CMC1: variants seen among roughly 807,000 people sequenced by gnomAD.
CMC1 encodes COX assembly mitochondrial protein homolog.
A neutral mutation model predicts 14.1 loss-of-function variants in CMC1; 14 were observed. The observed-to-expected ratio is 0.99, with a 90% CI of 0.66 to 1.55. The LOEUF (loss-of-function observed/expected upper bound fraction) is 1.55, where lower values mean the gene tolerates loss of function less well. Among genes scored for constraint, CMC1 ranks in the 40% most tolerant of loss-of-function variants. The pLI, the probability that CMC1 is intolerant of heterozygous loss-of-function variation, is 0.00. For synonymous variants in CMC1, 50 were observed against 38.4 expected (o/e 1.30, Z -1.12); for missense variants, 127 against 123.8 (o/e 1.03, Z -0.12).
chr3:28,241,969 C>A, intron 1 of CMC1, 157 bp downstream of exon 1: 2 of 600,762 alleles, frequency 3.3e-6, no homozygotes, highest in East Asian at 3.5e-5. Context: ...TTCGCCCGGT[C>A]TGAGGTCATC....
chr3:28,313,069 C>T (rs1332584561), intron 2 of CMC1, among the ~76,000 whole-genome samples: 1 of 152,066 alleles, frequency 6.6e-6, no homozygotes, highest in Non-Finnish European at 1.5e-5. Context: ...GTTGGCCAGT[C>T]TGGACTCAAA....
At chr3:28,277,771 A>G (rs149359365) in intron 2 of CMC1, among the ~76,000 whole-genome samples, 33 of 152,338 alleles carry the variant, frequency 2.2e-4, no homozygotes, top group Non-Finnish European at 4.1e-4. Flanking sequence ...TGAAGCTGGC[A>G]TGGCTAAGGG....
intron 1 of CMC1, among the ~76,000 whole-genome samples, chr3:28,244,290 A>C (rs1052549132): frequency 2.0e-5 from 3 of 152,212 alleles, no homozygotes; most frequent in African/African-American, 2.4e-5. Flanking sequence ...GAAGGGAGAC[A>C]GGTTAAGGGA....
intron 1 of CMC1, among the ~76,000 whole-genome samples, chr3:28,244,660 C>T (rs1386251405): frequency 6.6e-6 from 1 of 150,984 alleles, no homozygotes; most frequent in African/African-American, 2.4e-5. Context: ...TGGAAGGCAG[C>T]GGTTGCAGTG....
chr3:28,314,085 TAAAG>T (rs1702770869), intron 2 of CMC1, among the ~76,000 whole-genome samples: 1 of 152,248 alleles, frequency 6.6e-6, no homozygotes, highest in Non-Finnish European at 1.5e-5. Flanking sequence ...GCAGTTCTCT[TAAAG>T]AAGCCTTTAG....
chr3:28,286,327 G>A (rs1701178077), intron 2 of CMC1, among the ~76,000 whole-genome samples: 2 of 152,152 alleles, frequency 1.3e-5, no homozygotes, highest in Non-Finnish European at 1.5e-5. Context: ...CTTTGAAGAA[G>A]CATTGTTTTT....
At chr3:28,245,690 A>G (rs1185228338) in intron 1 of CMC1, among the ~76,000 whole-genome samples, 1 of 152,090 alleles carries the variant, frequency 6.6e-6, no homozygotes, top group Non-Finnish European at 1.5e-5. Flanking sequence ...ATTCCATGAG[A>G]AGGTGTTTAA....
chr3:28,289,664 C>G (rs540163213), intron 2 of CMC1, among the ~76,000 whole-genome samples: 1 of 152,186 alleles, frequency 6.6e-6, no homozygotes, highest in South Asian at 2.1e-4. Context: ...ATGCAGGAAT[C>G]TTTCTAACAA....
intron 2 of CMC1, among the ~76,000 whole-genome samples, chr3:28,268,580 T>G (rs1483214744): frequency 6.6e-6 from 1 of 152,212 alleles, no homozygotes; most frequent in Non-Finnish European, 1.5e-5. Context: ...ACAAACAGTT[T>G]GGGCACAGTG....
chr3:28,242,946 C>T (rs1698607764), intron 1 of CMC1, among the ~76,000 whole-genome samples: 1 of 151,978 alleles, frequency 6.6e-6, no homozygotes, highest in African/African-American at 2.4e-5. Context: ...CTGTGCGATG[C>T]TTGGTTTCAG....
intron 2 of CMC1, among the ~76,000 whole-genome samples, chr3:28,269,660 G>GT (rs1700182885): frequency 1.3e-5 from 2 of 152,150 alleles, no homozygotes; most frequent in South Asian, 4.1e-4. Context: ...CTGCCTCCTG[G>GT]GTTCAAGTGA....
chr3:28,311,282 A>G (rs951715579), intron 2 of CMC1, among the ~76,000 whole-genome samples: 6 of 152,054 alleles, frequency 3.9e-5, no homozygotes, highest in African/African-American at 9.7e-5. Context: ...GTCTGGAATT[A>G]AGTTATATTT....
intron 1 of CMC1, among the ~76,000 whole-genome samples, chr3:28,256,206 T>C (rs1053371512): frequency 2.2e-4 from 33 of 151,746 alleles, no homozygotes; most frequent in African/African-American, 7.0e-4. Context: ...TGTGTGTATA[T>C]ATATATATAT....
At chr3:28,250,864 G>A (rs1699095149) in intron 1 of CMC1, among the ~76,000 whole-genome samples, 1 of 152,184 alleles carries the variant, frequency 6.6e-6, no homozygotes, top group Non-Finnish European at 1.5e-5. Flanking sequence ...TATAGTTCTA[G>A]TATTGTTACC....
intron 2 of CMC1, among the ~76,000 whole-genome samples, chr3:28,293,307 C>CCTTTTT (rs1559430454): frequency 3.6e-5 from 5 of 139,958 alleles, no homozygotes; most frequent in Non-Finnish European, 1.6e-5. Flanking sequence ...AATAGAGGGA[C>CCTTTTT]TTTTTTTTTT....
chr3:28,267,730 A>G (rs1209099850), intron 2 of CMC1, among the ~76,000 whole-genome samples: 2 of 152,236 alleles, frequency 1.3e-5, no homozygotes, highest in African/African-American at 4.8e-5. Context: ...TATTTTGTGA[A>G]ATTCCAAAGA....
At chr3:28,271,610 C>T (rs182736341) in intron 2 of CMC1, among the ~76,000 whole-genome samples, 13 of 151,986 alleles carry the variant, frequency 8.6e-5, no homozygotes, top group East Asian at 5.8e-4. Context: ...TGTAGCCTTA[C>T]AGTTTGAAGT....
intron 2 of CMC1, among the ~76,000 whole-genome samples, chr3:28,285,663 C>G (rs1577047725): frequency 1.3e-5 from 2 of 151,682 alleles, no homozygotes; most frequent in Admixed American, 6.6e-5. Context: ...ACTTGTACCC[C>G]CTACATCTAT....
At chr3:28,250,172 A>G (rs2125428225) in intron 1 of CMC1, among the ~76,000 whole-genome samples, 1 of 152,340 alleles carries the variant, frequency 6.6e-6, no homozygotes, top group African/African-American at 2.4e-5. Flanking sequence ...AACTCATGCC[A>G]ACCACTGATC....
Sources: gnomAD v4.1 joint callset for allele counts (sites outside exome capture counted in the v4.1 genomes callset) on GRCh38, gnomAD v4.1.1 for gene constraint, MANE v1.5 for transcripts, NCBI Gene and HGNC (gene_info 2026-07-23, HGNC 2026-07-21) for gene names.